Variants in PTPN4 observed in about 807,000 individuals in gnomAD.
The protein encoded by PTPN4 is tyrosine-protein phosphatase non-receptor type 4.
PTPN4 carries 49 observed loss-of-function variants against 135.5 expected under a neutral mutation model. That is an observed-to-expected ratio of 0.36 (90% CI 0.29 to 0.46). The LOEUF (loss-of-function observed/expected upper bound fraction) is 0.46, where lower values mean the gene tolerates loss of function less well. Among genes scored for constraint, PTPN4 ranks in the 20% least tolerant of loss-of-function variants. PTPN4 has a pLI of 1.00. For synonymous variants in PTPN4, 333 were observed against 369.9 expected (o/e 0.90, Z 1.14); for missense variants, 860 against 1,101.0 (o/e 0.78, Z 3.10).
At chr2:119,781,512 C>T (rs1235644135) in intron 1 of PTPN4, among the ~76,000 whole-genome samples, 2 of 152,150 alleles carry the variant, frequency 1.3e-5, no homozygotes, top group Non-Finnish European at 2.9e-5. Flanking sequence ...AGACCACTGT[C>T]AACAACAAAC....
intron 1 of PTPN4, among the ~76,000 whole-genome samples, chr2:119,804,430 GCCCTCCACCCAA>G (rs533571844): frequency 1.1e-3 from 169 of 152,108 alleles, no homozygotes; most frequent in African/African-American, 3.6e-3. Flanking sequence ...CCCTCTCCCT[GCCCTCCACCCAA>G]CGACAGGCCC....
Position 119,957,035 on chromosome 2 carries a change from T to C in PTPN4, c.2091T>C (p.Ile697=). Residue 697 remains isoleucine, a synonymous_variant, in exon 22 of 27, where the codon ATT becomes ATC. Coordinates refer to ENST00000263708, the MANE Select transcript of PTPN4 (RefSeq NM_002830.4). ...DISPYDATRV[I]LKGNEDYINA... Reference sequence around the variant, plus strand: ...TTTTAGATGATGCCACACGGGTCATTTTAAAAGGTAATGAAGACTACATCA... The same window carrying C: ...TTTTAGATGATGCCACACGGGTCATCTTAAAAGGTAATGAAGACTACATCA... 1 of 1,611,004 alleles carries C rather than the reference T, an allele frequency of 6.2e-7. No homozygotes were observed.
At chr2:119,860,949 G>C (rs1677751815) in intron 2 of PTPN4, among the ~76,000 whole-genome samples, 1 of 151,816 alleles carries the variant, frequency 6.6e-6, no homozygotes, top group Non-Finnish European at 1.5e-5. Flanking sequence ...GCTGAGACAG[G>C]AGAATCGCTT....
At chr2:119,783,079 G>T (rs1223918598) in intron 1 of PTPN4, among the ~76,000 whole-genome samples, 3 of 151,714 alleles carry the variant, frequency 2.0e-5, no homozygotes, top group Non-Finnish European at 2.9e-5. Flanking sequence ...TTAATGATTG[G>T]TTGAAATGGG....
intron 2 of PTPN4, 35 bp downstream of exon 2, chr2:119,810,026 G>A: frequency 6.4e-7 from 1 of 1,572,774 alleles, no homozygotes; most frequent in East Asian, 2.2e-5. Context: ...AATAATCTCT[G>A]GCTATAAGTC....
intron 1 of PTPN4, among the ~76,000 whole-genome samples, chr2:119,790,107 G>C (rs1489417607): frequency 6.6e-6 from 1 of 152,088 alleles, no homozygotes; most frequent in Non-Finnish European, 1.5e-5. Context: ...TAAATTTACT[G>C]ATGATTTTTT....
In PTPN4 at chr2:119,965,492, C is replaced by G. The variant is rs188804952; in HGVS notation, c.2410-5C>G. On this transcript the variant is annotated splice_region_variant and splice_polypyrimidine_tract_variant and intron_variant, in intron 24 of 26. Coordinates refer to ENST00000263708, the MANE Select transcript of PTPN4 (RefSeq NM_002830.4). Reference sequence around the variant, plus strand: ...CAAGGTGCATAATTTTTCATTTGTTCTTAGAAAAATGAAAGTCGTCCACTC... The same window carrying G: ...CAAGGTGCATAATTTTTCATTTGTTGTTAGAAAAATGAAAGTCGTCCACTC... 3 of 1,597,390 alleles carry G rather than the reference C, an allele frequency of 1.9e-6. No homozygotes were observed. In the Admixed American group the frequency reaches 5.4e-5, roughly 29 times the overall value.
Position 119,983,023 on chromosome 2 carries a change from A to C in PTPN4, c.*5953A>C, listed in dbSNP as rs1368584900. ...ATTCATCACTCATGAAACTTGACTC[A>C]GTGAGGACTTCATTATTTTTATTTC... On this transcript the variant is annotated 3_prime_UTR_variant, in exon 27 of 27. Transcript: ENST00000263708. The C allele has an allele frequency of 1.3e-5, 2 of 152,178 alleles. No homozygotes were observed. The highest frequency in any genetic ancestry group is 4.8e-5 in the African/African-American group (2 of 41,440). 9.4% of individuals were successfully genotyped at this position (152,178 alleles called of 1,614,324 possible).
chr2:119,877,254 G>C (rs933508137), intron 3 of PTPN4, 69 bp from the exon 4 acceptor site: 44 of 1,524,870 alleles, frequency 2.9e-5, no homozygotes, highest in Non-Finnish European at 3.5e-5. Context: ...AAATGGAACA[G>C]ATTTGCAAGA....
intron 6 of PTPN4, 33 bp downstream of exon 6, chr2:119,881,863 G>A (rs1299848644): frequency 2.1e-6 from 3 of 1,438,460 alleles, no homozygotes; most frequent in Admixed American, 2.0e-5. Context: ...AAAATTTTTT[G>A]TAATGGACTT....
At chr2:119,953,110 C>T (rs1679232710) in intron 19 of PTPN4, among the ~76,000 whole-genome samples, 1 of 152,164 alleles carries the variant, frequency 6.6e-6, no homozygotes. Context: ...AGAGTTCCCT[C>T]AACACTTTAT....
At chr2:119,937,865 G>C (rs984956006) in intron 15 of PTPN4, among the ~76,000 whole-genome samples, 2 of 151,840 alleles carry the variant, frequency 1.3e-5, no homozygotes, top group Admixed American at 1.3e-4. Context: ...CCAGGAGTTC[G>C]AGGATGTATT....
chr2:119,965,790 T>C, intron 25 of PTPN4, 145 bp downstream of exon 25: 1 of 943,790 alleles, frequency 1.1e-6, no homozygotes, highest in Non-Finnish European at 1.5e-6. Flanking sequence ...AGGCAAAGGA[T>C]ATGTTCTAAC....
At chr2:119,968,690 G>T (rs1293646634) in intron 26 of PTPN4, among the ~76,000 whole-genome samples, 2 of 152,140 alleles carry the variant, frequency 1.3e-5, no homozygotes, top group African/African-American at 4.8e-5. Flanking sequence ...TACTCAGGAG[G>T]CTGAGGCAGG....
chr2:119,864,466 A>T (rs1039228213), intron 3 of PTPN4, among the ~76,000 whole-genome samples: 4 of 152,122 alleles, frequency 2.6e-5, no homozygotes, highest in Admixed American at 2.6e-4. Context: ...TGAAGAGAAA[A>T]AATAGATAAT....
chr2:119,780,935 T>C (rs1690925591), intron 1 of PTPN4, among the ~76,000 whole-genome samples: 1 of 152,216 alleles, frequency 6.6e-6, no homozygotes, highest in African/African-American at 2.4e-5. Flanking sequence ...TGTTCTTCCT[T>C]CTATATTTAT....
chr2:119,904,624 C>G (rs1340816809), intron 10 of PTPN4, among the ~76,000 whole-genome samples: 1 of 152,112 alleles, frequency 6.6e-6, no homozygotes, highest in Non-Finnish European at 1.5e-5. Context: ...AAATCAGAGA[C>G]AGAAGTCTAA....
chr2:119,770,489 AC>A (rs1286053214), intron 1 of PTPN4, among the ~76,000 whole-genome samples: 1 of 152,178 alleles, frequency 6.6e-6, no homozygotes, highest in Non-Finnish European at 1.5e-5. Context: ...ATAGGTAACT[AC>A]TTTTATTTTT....
At chr2:119,963,270 G>C (rs1679395672) in intron 24 of PTPN4, among the ~76,000 whole-genome samples, 1 of 152,152 alleles carries the variant, frequency 6.6e-6, no homozygotes, top group African/African-American at 2.4e-5. Context: ...AATTTTGCCT[G>C]AGTCAGTCCT....
Sources: allele counts gnomAD v4.1 joint callset (sites outside exome capture counted in the v4.1 genomes callset), GRCh38; gene constraint gnomAD v4.1.1; transcripts MANE v1.5; gene names NCBI Gene and HGNC (gene_info 2026-07-23, HGNC 2026-07-21).